Variants in PDE4D observed in about 807,000 individuals in gnomAD.
PDE4D encodes 3',5'-cyclic-AMP phosphodiesterase 4D.
PDE4D carries 24 observed loss-of-function variants against 87.4 expected under a neutral mutation model. The observed-to-expected ratio is 0.27, with a 90% CI of 0.20 to 0.39. PDE4D has a LOEUF of 0.39. Ranked by LOEUF, PDE4D falls within the 10% of genes least tolerant of loss-of-function variation. PDE4D has a pLI of 1.00. For synonymous variants in PDE4D, 384 were observed against 383.2 expected (o/e 1.00, Z -0.02); for missense variants, 714 against 1,041.0 (o/e 0.69, Z 4.32).
chr5:59,250,971 C>T (rs1393608209), intron 1 of PDE4D, among the ~76,000 whole-genome samples: 1 of 152,096 alleles, frequency 6.6e-6, no homozygotes, highest in Non-Finnish European at 1.5e-5. Flanking sequence ...AACTGGCTAC[C>T]CATATGCAGA....
chr5:59,904,228 A>G (rs1467476732), intron 3 of PDE4D, among the ~76,000 whole-genome samples: 1 of 152,180 alleles, frequency 6.6e-6, no homozygotes, highest in Non-Finnish European at 1.5e-5. Flanking sequence ...GTATATATGT[A>G]AATAAAATAA....
chr5:59,180,509 T>A, intron 5 of PDE4D, 86 bp downstream of exon 5: 2 of 1,000,968 alleles, frequency 2.0e-6, no homozygotes, highest in Middle Eastern at 4.1e-4. Flanking sequence ...AATTGCAGCA[T>A]GAAATTGGTG....
At chr5:59,801,901 C>T (rs189768298) in intron 1 of PDE4D, among the ~76,000 whole-genome samples, 76 of 152,266 alleles carry the variant, frequency 5.0e-4, no homozygotes, top group Middle Eastern at 6.8e-3. Context: ...ACAAGTTTAT[C>T]TAAGACTCCA....
intron 1 of PDE4D, among the ~76,000 whole-genome samples, chr5:59,231,228 C>T (rs1431769427): frequency 6.6e-6 from 1 of 152,118 alleles, no homozygotes; most frequent in African/African-American, 2.4e-5. Flanking sequence ...ACAAAATGAC[C>T]TTGGGAAAGC....
intron 3 of PDE4D, among the ~76,000 whole-genome samples, chr5:59,941,184 A>G (rs889820752): frequency 6.6e-6 from 1 of 152,148 alleles, no homozygotes; most frequent in Admixed American, 6.5e-5. Flanking sequence ...GTTTGCTATC[A>G]GGGAGGTACA....
intron 1 of PDE4D, among the ~76,000 whole-genome samples, chr5:59,226,152 T>C (rs1474411047): frequency 6.6e-6 from 1 of 152,150 alleles, no homozygotes; most frequent in Non-Finnish European, 1.5e-5. Context: ...CTTCTGGGTA[T>C]TTATCCAAAA....
At chr5:59,124,977 T>G (rs1266808637) in intron 5 of PDE4D, among the ~76,000 whole-genome samples, 1 of 150,064 alleles carries the variant, frequency 6.7e-6, no homozygotes, top group Non-Finnish European at 1.5e-5. Flanking sequence ...TTTCTTTTCT[T>G]TTCTTTTCTT....
At chr5:59,005,993 G>GT (rs1751527259) in intron 6 of PDE4D, among the ~76,000 whole-genome samples, 1 of 152,222 alleles carries the variant, frequency 6.6e-6, no homozygotes, top group African/African-American at 2.4e-5. Context: ...TCTGGACAGG[G>GT]TGAGGAAGCA....
intron 1 of PDE4D, among the ~76,000 whole-genome samples, chr5:60,400,415 G>A (rs943839381): frequency 4.0e-5 from 6 of 150,558 alleles, no homozygotes; most frequent in East Asian, 3.9e-4. Context: ...CCAGCTACTC[G>A]GGAGGCTGAG....
intron 6 of PDE4D, among the ~76,000 whole-genome samples, chr5:59,026,188 T>C (rs1580371755): frequency 6.6e-6 from 1 of 152,256 alleles, no homozygotes. Flanking sequence ...ATATGGCCTC[T>C]ATGGTTTTTG....
At chr5:59,729,943 C>G (rs1282037424) in intron 1 of PDE4D, among the ~76,000 whole-genome samples, 1 of 151,796 alleles carries the variant, frequency 6.6e-6, no homozygotes, top group Non-Finnish European at 1.5e-5. Context: ...ACAAAATAGC[C>G]CCAGAATAGA....
intron 1 of PDE4D, among the ~76,000 whole-genome samples, chr5:59,779,545 C>T (rs775026282): frequency 4.6e-5 from 7 of 152,134 alleles, no homozygotes; most frequent in East Asian, 1.9e-4. Flanking sequence ...TATAGACCTC[C>T]GTGTGATATC....
chr5:59,500,064 C>T (rs1808016958), intron 1 of PDE4D, among the ~76,000 whole-genome samples: 4 of 152,030 alleles, frequency 2.6e-5, no homozygotes, highest in Admixed American at 2.6e-4. Flanking sequence ...TACTATCTCA[C>T]ACCACTCAGA....
At chr5:60,221,902 C>T (rs1490431327) in intron 1 of PDE4D, among the ~76,000 whole-genome samples, 1 of 152,040 alleles carries the variant, frequency 6.6e-6, no homozygotes, top group Non-Finnish European at 1.5e-5. Context: ...CTGCTATGAA[C>T]ATTCTTGTAC....
At chr5:59,524,172 CAGA>C (rs1562331780) in intron 1 of PDE4D, among the ~76,000 whole-genome samples, 1 of 152,106 alleles carries the variant, frequency 6.6e-6, no homozygotes, top group Non-Finnish European at 1.5e-5. Flanking sequence ...TTGGAGGCCT[CAGA>C]AGAAGACAGG....
At chr5:59,499,270 C>T (rs1044319154) in intron 1 of PDE4D, among the ~76,000 whole-genome samples, 2 of 149,596 alleles carry the variant, frequency 1.3e-5, no homozygotes, top group Non-Finnish European at 3.0e-5. Flanking sequence ...GCAATGGCAG[C>T]GTTAAGAGGA....
chr5:59,452,088 A>T (rs1281821859), intron 1 of PDE4D, among the ~76,000 whole-genome samples: 2 of 152,120 alleles, frequency 1.3e-5, no homozygotes, highest in Admixed American at 6.5e-5. Context: ...TTAGTTCATC[A>T]GCTATTGTTA....
chr5:60,314,935 C>T (rs534582781), intron 1 of PDE4D, among the ~76,000 whole-genome samples: 10 of 152,226 alleles, frequency 6.6e-5, no homozygotes, highest in East Asian at 1.9e-4. Flanking sequence ...TGAATAGTGC[C>T]TCAATAAACA....
chr5:60,252,102 T>C (rs1360521119), intron 1 of PDE4D, among the ~76,000 whole-genome samples: 1 of 151,948 alleles, frequency 6.6e-6, no homozygotes, highest in Non-Finnish European at 1.5e-5. Flanking sequence ...AACCTAGGTG[T>C]ATACTAAGCT....
Sources: gnomAD v4.1 joint callset for allele counts (sites outside exome capture counted in the v4.1 genomes callset) on GRCh38, gnomAD v4.1.1 for gene constraint, MANE v1.5 for transcripts, NCBI Gene and HGNC (gene_info 2026-07-23, HGNC 2026-07-21) for gene names.